Variants in BICC1 observed in about 807,000 individuals in gnomAD.
BICC1 encodes protein bicaudal C homolog 1.
Under a neutral mutation model 111.0 loss-of-function variants are expected in BICC1, and 43 were observed. The ratio of observed to expected loss-of-function variants is 0.39; its 90% CI spans 0.30 to 0.50. The LOEUF is 0.50. Among genes scored for constraint, BICC1 ranks in the 20% least tolerant of loss-of-function variants. The pLI, the probability that BICC1 is intolerant of heterozygous loss-of-function variation, is 0.88. For missense variants in BICC1, 1,091 were observed against 1,203.2 expected (o/e 0.91, Z 1.38); for synonymous variants, 467 against 434.4 (o/e 1.07, Z -0.93).
intron 2 of BICC1, among the ~76,000 whole-genome samples, chr10:58,625,769 C>T (rs1454946244): frequency 6.6e-6 from 1 of 152,142 alleles, no homozygotes; most frequent in Non-Finnish European, 1.5e-5. Context: ...TAATTTGGTT[C>T]CCTCTGTACC....
chr10:58,758,483 G>T (rs1051872631), intron 3 of BICC1, among the ~76,000 whole-genome samples: 1 of 152,178 alleles, frequency 6.6e-6, no homozygotes. Flanking sequence ...CTGGCACATA[G>T]TTCATCTAGT....
intron 1 of BICC1, among the ~76,000 whole-genome samples, chr10:58,518,486 C>T (rs1034427901): frequency 6.6e-6 from 1 of 150,872 alleles, no homozygotes; most frequent in Non-Finnish European, 1.5e-5. Context: ...AGTACTGTCT[C>T]ACATGATGGA....
chr10:58,579,855 G>C (rs1190384942), intron 1 of BICC1, among the ~76,000 whole-genome samples: 2 of 141,604 alleles, frequency 1.4e-5, no homozygotes, highest in African/African-American at 5.3e-5. Context: ...GAAAAGAACA[G>C]CTTTTTTGGA....
intron 2 of BICC1, among the ~76,000 whole-genome samples, chr10:58,627,870 A>T (rs781428170): frequency 6.6e-6 from 1 of 152,214 alleles, no homozygotes; most frequent in Non-Finnish European, 1.5e-5. Flanking sequence ...AAATAAAATT[A>T]AAAATAACCT....
chr10:58,521,514 G>A (rs1272580831), intron 1 of BICC1, among the ~76,000 whole-genome samples: 1 of 151,980 alleles, frequency 6.6e-6, no homozygotes, highest in Admixed American at 6.6e-5. Context: ...GATCAATTTT[G>A]CAAAATTATT....
intron 12 of BICC1, 141 bp downstream of exon 12, chr10:58,799,393 T>C: frequency 1.8e-6 from 1 of 545,588 alleles, no homozygotes; most frequent in South Asian, 8.2e-5. Context: ...AGTTAAAACA[T>C]GTTTAAACTT....
rs1843533874 is a variant in BICC1 at position 58,801,118 on chromosome 10, A to G, written c.2015+72A>G. On this transcript the variant is annotated intron_variant, in intron 14 of 20. Transcript: ENST00000373886. ...TATATTTGTTCTCAACTCTATAGTT[A>G]GTACTCTTTGATTCAAGTCATGTTT... The G allele has an allele frequency of 3.1e-6, 4 of 1,300,646 alleles. No homozygotes were observed. The South Asian group carries it at 8.0e-5, about 26-fold the overall frequency. 80.6% of individuals were successfully genotyped at this position (1,300,646 alleles called of 1,614,324 possible).
At chr10:58,568,613 A>G (rs1018119605) in intron 1 of BICC1, among the ~76,000 whole-genome samples, 15 of 152,148 alleles carry the variant, frequency 9.9e-5, no homozygotes, top group African/African-American at 2.9e-4. Context: ...GAACGCCCAC[A>G]TCAGCACACC....
chr10:58,530,563 C>T (rs762597261), intron 1 of BICC1, among the ~76,000 whole-genome samples: 22 of 151,588 alleles, frequency 1.5e-4, no homozygotes, highest in African/African-American at 3.6e-4. Flanking sequence ...GACATTGTTA[C>T]CCCAAAGTGG....
intron 15 of BICC1, among the ~76,000 whole-genome samples, chr10:58,804,361 T>G (rs1334262647): frequency 6.6e-6 from 1 of 151,646 alleles, no homozygotes; most frequent in African/African-American, 2.4e-5. Flanking sequence ...ACAGAATAAT[T>G]CTAAAAAATT....
chr10:58,626,395 TAGAAA>T (rs1457697214), intron 2 of BICC1, among the ~76,000 whole-genome samples: 2 of 152,334 alleles, frequency 1.3e-5, no homozygotes, highest in Non-Finnish European at 2.9e-5. Context: ...TTGTAAGACT[TAGAAA>T]AGAAGAGTAA....
intron 15 of BICC1, among the ~76,000 whole-genome samples, chr10:58,803,914 T>C (rs886274968): frequency 6.6e-6 from 1 of 152,198 alleles, no homozygotes; most frequent in African/African-American, 2.4e-5. Context: ...TGCTTTGTGC[T>C]TTTAGAGATG....
intron 1 of BICC1, among the ~76,000 whole-genome samples, chr10:58,568,140 C>G (rs2048614855): frequency 6.6e-6 from 1 of 152,146 alleles, no homozygotes; most frequent in Non-Finnish European, 1.5e-5. Flanking sequence ...CAGTGAGACT[C>G]CAGTCTCTAG....
At chr10:58,734,828 A>C (rs906617836) in intron 3 of BICC1, among the ~76,000 whole-genome samples, 46 of 152,158 alleles carry the variant, frequency 3.0e-4, no homozygotes, top group African/African-American at 9.2e-4. Flanking sequence ...TTAAATACCT[A>C]TTTTAGGAAG....
intron 1 of BICC1, among the ~76,000 whole-genome samples, chr10:58,517,350 C>T (rs1475858762): frequency 1.3e-5 from 2 of 152,132 alleles, no homozygotes; most frequent in African/African-American, 4.8e-5. Context: ...CAGAGTTAGC[C>T]ACTGAAACAG....
chr10:58,807,059 T>C lies in BICC1; in HGVS notation c.2277T>C (p.Ser759=). 2.5e-6 allele frequency: 4 copies of C among 1,613,806 alleles called. No homozygotes were observed. Among genetic ancestry groups the C allele is most frequent in the South Asian group, 1.1e-5 (1 of 91,064 alleles). ...TEVRTPTNTW[S]GLGFSKSMPA... is the part of the protein sequence containing the mutation. ...TCAGAACGCCCACAAATACCTGGAG[T>C]GGCCTGGGTTTTTCTAAATCCATGC... Residue 759 remains serine, a synonymous_variant, in exon 17 of 21, where the codon AGT becomes AGC. Coordinates refer to ENST00000373886, the MANE Select transcript of BICC1 (RefSeq NM_001080512.3).
chr10:58,821,311 C>T (rs1263071900), intron 20 of BICC1, among the ~76,000 whole-genome samples: 1 of 152,114 alleles, frequency 6.6e-6, no homozygotes, highest in African/African-American at 2.4e-5. Flanking sequence ...AGCCAAGTGT[C>T]ATGTGCTGCG....
chr10:58,637,519 G>A (rs1282723690), intron 2 of BICC1, among the ~76,000 whole-genome samples: 4 of 152,170 alleles, frequency 2.6e-5, no homozygotes, highest in African/African-American at 4.8e-5. Context: ...AGAATTTGCC[G>A]CTGGTTCTGA....
chr10:58,777,656 C>G (rs538714862), intron 3 of BICC1, among the ~76,000 whole-genome samples: 30 of 152,140 alleles, frequency 2.0e-4, no homozygotes, highest in Non-Finnish European at 4.1e-4. Flanking sequence ...TACTTGGTTT[C>G]TTACAATTCG....
Sources: allele counts gnomAD v4.1 joint callset (sites outside exome capture counted in the v4.1 genomes callset), GRCh38; gene constraint gnomAD v4.1.1; transcripts MANE v1.5; gene names NCBI Gene and HGNC (gene_info 2026-07-23, HGNC 2026-07-21).